NCOA6: variants seen among roughly 807,000 people sequenced by gnomAD.
NCOA6 encodes nuclear receptor coactivator 6.
In NCOA6, 49 loss-of-function variants were observed where a neutral mutation model predicts 171.4. That is an observed-to-expected ratio of 0.29 (90% CI 0.23 to 0.36). NCOA6 has a LOEUF of 0.36. Ranked by LOEUF, NCOA6 falls within the 10% of genes least tolerant of loss-of-function variation. The pLI is 1.00. For synonymous variants in NCOA6, 910 were observed against 927.5 expected (o/e 0.98, Z 0.34); for missense variants, 2,248 against 2,554.5 (o/e 0.88, Z 2.59).
chr20:34,782,943 T>G (rs936558312), intron 2 of NCOA6, among the ~76,000 whole-genome samples: 1 of 152,126 alleles, frequency 6.6e-6, no homozygotes, highest in African/African-American at 2.4e-5. Context: ...TTATTAACAG[T>G]GGAATGGCTG....
intron 13 of NCOA6, among the ~76,000 whole-genome samples, chr20:34,730,470 C>G (rs1990481324): frequency 6.6e-6 from 1 of 152,112 alleles, no homozygotes. Flanking sequence ...GGTCAATGCT[C>G]AGGTATCTCT....
intron 13 of NCOA6, among the ~76,000 whole-genome samples, chr20:34,729,519 CAAAT>C (rs888033493): frequency 4.0e-5 from 6 of 148,666 alleles, no homozygotes; most frequent in Admixed American, 6.9e-5. Flanking sequence ...AGACATGTAA[CAAAT>C]AAAAATAATG....
At chr20:34,753,654 C>T (rs934530142) in intron 8 of NCOA6, among the ~76,000 whole-genome samples, 4 of 151,338 alleles carry the variant, frequency 2.6e-5, no homozygotes, top group African/African-American at 4.9e-5. Context: ...AGCAAGACTC[C>T]GTCTCAAAAA....
At chr20:34,732,470 G>T in intron 13 of NCOA6, 89 bp downstream of exon 13, 1 of 1,281,074 alleles carries the variant, frequency 7.8e-7, no homozygotes, top group Non-Finnish European at 1.1e-6. Context: ...AGGACAAGGT[G>T]AAGAGAGGTT....
rs144628369 is a variant in NCOA6, at chr20:34,803,170, T to C, written c.-163-10607A>G. Among the ~76,000 whole-genome samples the C allele has an allele frequency of 6.6e-4, 100 of 152,174 alleles. 2 individuals carry two copies. The highest frequency in any genetic ancestry group is 2.1e-3 in the African/African-American group (86 of 41,514). On this transcript the variant is annotated intron_variant, in intron 1 of 14. Coordinates refer to ENST00000359003, the MANE Select transcript of NCOA6 (RefSeq NM_014071.5). ...CAAAAAGCTTGCTACACTTCGTAAG[T>C]AATCAAAGAAAAACAGGTCAGGCAT...
intron 14 of NCOA6, among the ~76,000 whole-genome samples, chr20:34,721,028 G>A (rs966080622): frequency 4.0e-5 from 6 of 151,866 alleles, no homozygotes; most frequent in Non-Finnish European, 5.9e-5. Flanking sequence ...TTTGTCCCAC[G>A]TTCCTGGCTC....
intron 1 of NCOA6, among the ~76,000 whole-genome samples, chr20:34,815,438 C>T (rs2078804891): frequency 6.6e-6 from 1 of 151,934 alleles, no homozygotes; most frequent in Non-Finnish European, 1.5e-5. Flanking sequence ...TTAGCCTGGA[C>T]AGTACCCAGT....
At chr20:34,755,974 T>A (rs1213143106) in intron 7 of NCOA6, among the ~76,000 whole-genome samples, 1 of 152,114 alleles carries the variant, frequency 6.6e-6, no homozygotes, top group African/African-American at 2.4e-5. Context: ...TGACCTCAGG[T>A]TATCTGCCCG....
intron 2 of NCOA6, among the ~76,000 whole-genome samples, chr20:34,783,997 C>T (rs73273024): frequency 0.031 from 4,684 of 151,650 alleles, 244 homozygotes; most frequent in African/African-American, 0.11. Context: ...TAAAGTATTA[C>T]GAATTATTAC....
At position 34,768,539 on chromosome 20, in the gene NCOA6, C is replaced by G; in HGVS notation, c.439G>C (p.Val147Leu). The G allele has an allele frequency of 6.2e-7, 1 of 1,614,204 alleles. No homozygotes were observed. The highest frequency in any genetic ancestry group is 8.5e-7 in the Non-Finnish European group (1 of 1,180,018). The part of the protein sequence containing the change: ...LALAQNRSQD[V>L]RMNGPMGAGN... ...GCTCCCATGGGTCCATTCATTCTCA[C>G]ATCTTGGCTTCGGTTCTGAGCCAAA... Residue 147 changes from valine (V) to leucine (L), a missense_variant, in exon 5 of 15, where the codon GTG becomes CTG. Physicochemically the swap from Val to Leu is conservative, Grantham distance 32 (BLOSUM62 1). Around this residue, in one of 7 missense-constraint regions of NCOA6, gnomAD observed 987 missense variants for 1,104.7 expected, o/e 0.89. Transcript: ENST00000359003.
At chr20:34,731,850 G>T (rs1035304564) in intron 13 of NCOA6, among the ~76,000 whole-genome samples, 2 of 152,094 alleles carry the variant, frequency 1.3e-5, no homozygotes, top group African/African-American at 4.8e-5. Context: ...GTGAAACCCC[G>T]TCTCTACTAA....
intron 3 of NCOA6, among the ~76,000 whole-genome samples, chr20:34,780,238 AAC>A (rs759102367): frequency 2.0e-5 from 3 of 152,252 alleles, no homozygotes; most frequent in Non-Finnish European, 4.4e-5. Context: ...CCATATTCAT[AAC>A]AGTTATATCT....
intron 5 of NCOA6, 91 bp from the exon 6 acceptor site, chr20:34,759,024 A>C: frequency 6.9e-7 from 1 of 1,442,348 alleles, no homozygotes; most frequent in Non-Finnish European, 9.5e-7. Context: ...AGATATGGAA[A>C]ATTTGTTTTT....
chr20:34,771,522 G>A (rs1408063224), intron 4 of NCOA6, among the ~76,000 whole-genome samples: 6 of 152,150 alleles, frequency 3.9e-5, no homozygotes, highest in Non-Finnish European at 7.4e-5. Flanking sequence ...TACAGCGCAC[G>A]TCAGTTTTAA....
In NCOA6 at chr20:34,757,577, G is replaced by T; in HGVS notation, c.1171C>A (p.Pro391Thr). 2 of 1,614,002 alleles carry T rather than the reference G, an allele frequency of 1.2e-6. No individual in the cohort carries two copies. Among genetic ancestry groups the T allele is most frequent in the Non-Finnish European group, 1.7e-6 (2 of 1,179,932 alleles). The change falls in exon 7 of 15, where the codon CCT becomes ACT. Residue 391 changes from proline (P) to threonine (T), a missense_variant. Transcript: ENST00000359003. ...AACTGGCCTGGGTTGCTCATCTGAG[G>T]AAAGTTTGTGTGGGCTTGTGAGGCT... Reference protein sequence around the residue: ...QQASQAHTNFPQMSNPGQFTA... With the variant: ...QQASQAHTNFTQMSNPGQFTA...
chr20:34,782,758 C>G (rs1015067786), intron 2 of NCOA6, among the ~76,000 whole-genome samples: 3 of 152,134 alleles, frequency 2.0e-5, no homozygotes, highest in African/African-American at 7.2e-5. Context: ...GAGCAAGGGG[C>G]TCCCCAAGAC....
At chr20:34,729,788 T>C (rs1990390775) in intron 13 of NCOA6, among the ~76,000 whole-genome samples, 1 of 152,188 alleles carries the variant, frequency 6.6e-6, no homozygotes. Context: ...CAACTATCCC[T>C]ACCCTTCCAC....
chr20:34,779,281 CG>C (rs1177923006), intron 3 of NCOA6, among the ~76,000 whole-genome samples: 5 of 152,032 alleles, frequency 3.3e-5, no homozygotes, highest in Non-Finnish European at 7.4e-5. Context: ...GAGGCCGAGG[CG>C]GGCAGATCAC....
chr20:34,717,741 T>C (rs983545279), intron 14 of NCOA6, among the ~76,000 whole-genome samples: 1 of 152,210 alleles, frequency 6.6e-6, no homozygotes, highest in Non-Finnish European at 1.5e-5. Context: ...TAAAATCAAC[T>C]CTTCAGGTCC....
Sources: gnomAD v4.1 joint callset for allele counts (sites outside exome capture counted in the v4.1 genomes callset) on GRCh38, gnomAD v4.1.1 for gene constraint, gnomAD v4.1.1 regional missense constraint, MANE v1.5 for transcripts, NCBI Gene and HGNC (gene_info 2026-07-23, HGNC 2026-07-21) for gene names.